The following DNAH6 variants were observed in gnomAD, a reference collection of about 807,000 sequenced individuals.
The protein encoded by DNAH6 is axonemal beta dynein heavy chain 6.
In DNAH6, 340 loss-of-function variants were observed where a neutral mutation model predicts 491.4. That is an observed-to-expected ratio of 0.69 (90% CI 0.63 to 0.76). DNAH6 has a LOEUF of 0.76. Ranked by LOEUF, DNAH6 falls within the 30% of genes least tolerant of loss-of-function variation. The probability of loss-of-function intolerance (pLI) is 0.00; values close to 1 mark genes in which losing one functional copy is unlikely to be tolerated. For missense variants in DNAH6, 4,443 were observed against 4,972.2 expected (o/e 0.89, Z 3.20); for synonymous variants, 1,603 against 1,686.1 (o/e 0.95, Z 1.21).
intron 62 of DNAH6, among the ~76,000 whole-genome samples, chr2:84,734,661 T>A (rs1055907762): frequency 2.0e-5 from 3 of 152,194 alleles, no homozygotes; most frequent in Non-Finnish European, 4.4e-5. Flanking sequence ...GTATTTACCT[T>A]ACTAATGTTC....
intron 9 of DNAH6, 60 bp downstream of exon 9, chr2:84,550,117 T>G (rs1401046932): frequency 1.1e-5 from 14 of 1,315,402 alleles, no homozygotes; most frequent in Non-Finnish European, 1.5e-5. Flanking sequence ...GAGTGCAAAC[T>G]ACGCTCTATG....
At chr2:84,705,977 GAA>G (rs778221917) in intron 52 of DNAH6, among the ~76,000 whole-genome samples, 2 of 151,408 alleles carry the variant, frequency 1.3e-5, no homozygotes, top group Non-Finnish European at 2.9e-5. Flanking sequence ...ATATTCATCT[GAA>G]AAAAAAGGAA....
the DNAH6 span, among the ~76,000 whole-genome samples, chr2:84,482,843 C>T: frequency 6.6e-6 from 1 of 152,198 alleles, no homozygotes; most frequent in South Asian, 2.1e-4. Flanking sequence ...CCTTGGCTTA[C>T]TTTCCTGCCA....
chr2:84,791,555 A>G (rs1210710615), intron 68 of DNAH6, among the ~76,000 whole-genome samples: 9 of 151,924 alleles, frequency 5.9e-5, no homozygotes, highest in African/African-American at 2.2e-4. Flanking sequence ...AAATGGACAC[A>G]AGATTTCTTT....
intron 5 of DNAH6, among the ~76,000 whole-genome samples, chr2:84,545,863 A>C (rs998122107): frequency 2.6e-5 from 4 of 152,090 alleles, no homozygotes; most frequent in African/African-American, 9.7e-5. Flanking sequence ...TAAAATAACC[A>C]ATTTTGTTGG....
chr2:84,606,295 G>A (rs929876856), intron 20 of DNAH6, among the ~76,000 whole-genome samples: 9 of 152,146 alleles, frequency 5.9e-5, no homozygotes, highest in South Asian at 2.1e-4. Context: ...ATCACTCTGC[G>A]CAGGGGATGG....
chr2:84,599,959 T>C (rs1397227263), intron 18 of DNAH6, among the ~76,000 whole-genome samples: 1 of 152,216 alleles, frequency 6.6e-6, no homozygotes, highest in African/African-American at 2.4e-5. Flanking sequence ...TTAAGGTTTG[T>C]TTTATAGCCC....
Position 84,611,962 on chromosome 2 carries a change from A to G in DNAH6, c.3475+108A>G. 5 of 966,166 alleles carry G rather than the reference A, an allele frequency of 5.2e-6. No homozygotes were observed. In the South Asian group the frequency reaches 1.0e-4, roughly 20 times the overall value. 59.8% of individuals were successfully genotyped at this position (966,166 alleles called of 1,614,324 possible). Reference sequence around the variant, plus strand: ...CTGGGAATCTAATAACATATGGTCCATTCAACCCTTGATTCTAGTCAGCAT... The same window carrying G: ...CTGGGAATCTAATAACATATGGTCCGTTCAACCCTTGATTCTAGTCAGCAT... On this transcript the variant is annotated intron_variant, in intron 22 of 76. Coordinates refer to ENST00000389394, the MANE Select transcript of DNAH6 (RefSeq NM_001370.2).
At chr2:84,461,955 T>C in the DNAH6 span, among the ~76,000 whole-genome samples, 1 of 152,160 alleles carries the variant, frequency 6.6e-6, no homozygotes, top group South Asian at 2.1e-4. Context: ...AAGACTAGAA[T>C]TCACTGTATG....
chr2:84,586,368 G>A (rs1015553027), intron 15 of DNAH6, among the ~76,000 whole-genome samples: 6 of 152,214 alleles, frequency 3.9e-5, no homozygotes, highest in Admixed American at 6.6e-5. Flanking sequence ...AGGCGTGTTG[G>A]CAGTGGCAGG....
intron 41 of DNAH6, 69 bp downstream of exon 41, chr2:84,677,205 C>A: frequency 1.3e-6 from 2 of 1,536,932 alleles, no homozygotes; most frequent in Non-Finnish European, 8.8e-7. Flanking sequence ...CTCCCACAAT[C>A]AAAGTGGTGT....
intron 49 of DNAH6, 75 bp from the exon 50 acceptor site, chr2:84,703,320 A>G: frequency 9.4e-7 from 1 of 1,066,832 alleles, no homozygotes; most frequent in Admixed American, 3.0e-5. Context: ...CTAATACATG[A>G]GTAATATGTG....
the DNAH6 span, among the ~76,000 whole-genome samples, chr2:84,504,601 T>A: frequency 6.6e-6 from 1 of 152,172 alleles, no homozygotes; most frequent in African/African-American, 2.4e-5. Context: ...TAATCTAAGC[T>A]GTGTCTGCTT....
intron 11 of DNAH6, among the ~76,000 whole-genome samples, chr2:84,573,125 G>C (rs550081118): frequency 6.6e-6 from 1 of 152,270 alleles, no homozygotes; most frequent in East Asian, 1.9e-4. Flanking sequence ...ATATGCAGTT[G>C]GGAAAATAAA....
At chr2:84,704,611 G>T (rs1696254943) in intron 51 of DNAH6, among the ~76,000 whole-genome samples, 1 of 152,184 alleles carries the variant, frequency 6.6e-6, no homozygotes, top group Admixed American at 6.5e-5. Flanking sequence ...AAGCCCAGCT[G>T]GGATGTGCAA....
intron 76 of DNAH6, among the ~76,000 whole-genome samples, 151 bp downstream of exon 76, chr2:84,816,234 T>C (rs1680474737): frequency 6.6e-6 from 1 of 152,146 alleles, no homozygotes; most frequent in African/African-American, 2.4e-5. Context: ...AATTCGTAAA[T>C]GTAATTATAA....
At chr2:84,622,546 C>T (rs192591550) in intron 26 of DNAH6, among the ~76,000 whole-genome samples, 133 of 152,230 alleles carry the variant, frequency 8.7e-4, no homozygotes, top group Non-Finnish European at 1.5e-3. Flanking sequence ...ATAATCATGC[C>T]CAACTCACAT....
chr2:84,710,471 T>A (rs550266682), intron 56 of DNAH6, 59 bp downstream of exon 56: 1 of 1,513,784 alleles, frequency 6.6e-7, no homozygotes. Flanking sequence ...ATATCTGGAA[T>A]CCTATATAGG....
chr2:84,469,994 T>G, the DNAH6 span, among the ~76,000 whole-genome samples: 48 of 152,248 alleles, frequency 3.2e-4, no homozygotes, highest in African/African-American at 1.1e-3. This position sits in a 1 kb window ranked among gnomAD's most constrained non-coding sequence, Gnocchi z 4.0. Flanking sequence ...CACTCTGTCT[T>G]AAGGAGAGAC....
Sources: gnomAD v4.1 joint callset for allele counts (sites outside exome capture counted in the v4.1 genomes callset) on GRCh38, gnomAD v4.1.1 for gene constraint, Gnocchi (gnomAD v3.1) non-coding constraint, MANE v1.5 for transcripts, NCBI Gene and HGNC (gene_info 2026-07-23, HGNC 2026-07-21) for gene names.